Variants in PKP2 observed in about 807,000 individuals in gnomAD.
PKP2 encodes the protein plakophilin 2.
PKP2 carries 73 observed loss-of-function variants against 83.4 expected under a neutral mutation model. The observed-to-expected ratio is 0.88, with a 90% CI of 0.72 to 1.06. The LOEUF (loss-of-function observed/expected upper bound fraction) is 1.06. Among genes scored for constraint, PKP2 ranks in the 50% least tolerant of loss-of-function variants. The probability of loss-of-function intolerance (pLI) is 0.00; values close to 1 mark genes in which losing one functional copy is unlikely to be tolerated. For synonymous variants in PKP2, 409 were observed against 430.4 expected (o/e 0.95, Z 0.62); for missense variants, 966 against 1,065.4 (o/e 0.91, Z 1.30).
chr12:32,808,918 G>T (rs948166948), intron 9 of PKP2, among the ~76,000 whole-genome samples: 1 of 152,188 alleles, frequency 6.6e-6, no homozygotes. Context: ...CCATCCCAGG[G>T]TGGGTACTGA....
At chr12:32,808,444 T>C (rs556146213) in intron 9 of PKP2, among the ~76,000 whole-genome samples, 48 of 152,318 alleles carry the variant, frequency 3.2e-4, no homozygotes, top group Admixed American at 7.8e-4. Context: ...ATCATGATTC[T>C]TAGCTTCTTT....
chr12:32,887,977 T>C (rs1001151896), intron 1 of PKP2, among the ~76,000 whole-genome samples: 2 of 152,012 alleles, frequency 1.3e-5, no homozygotes, highest in African/African-American at 4.8e-5. Context: ...TCCAGGAATT[T>C]GAGACCAGCC....
At chr12:32,846,400 T>C (rs1185098668) in intron 5 of PKP2, among the ~76,000 whole-genome samples, 1 of 152,126 alleles carries the variant, frequency 6.6e-6, no homozygotes, top group Non-Finnish European at 1.5e-5. Flanking sequence ...CCTAGGCTAC[T>C]ACTGCAGAAG....
intron 11 of PKP2, among the ~76,000 whole-genome samples, 195 bp downstream of exon 11, chr12:32,795,914 C>T (rs574235048): frequency 3.3e-5 from 5 of 152,274 alleles, no homozygotes; most frequent in Admixed American, 6.5e-5. Flanking sequence ...AAGGGACAAG[C>T]ATGTGGTGTG....
At chr12:32,866,884 T>A (rs1261754740) in intron 4 of PKP2, among the ~76,000 whole-genome samples, 3 of 152,188 alleles carry the variant, frequency 2.0e-5, no homozygotes, top group Non-Finnish European at 4.4e-5. Flanking sequence ...CACGGTAGCT[T>A]TATTTGTAAT....
intron 4 of PKP2, among the ~76,000 whole-genome samples, chr12:32,864,991 C>T (rs549076049): frequency 3.3e-5 from 5 of 152,308 alleles, no homozygotes; most frequent in Non-Finnish European, 7.3e-5. Context: ...AAGAATGTTT[C>T]ACATCCCCAG....
chr12:32,859,964 G>A (rs1034810526), intron 4 of PKP2, among the ~76,000 whole-genome samples: 10 of 152,112 alleles, frequency 6.6e-5, no homozygotes, highest in African/African-American at 2.2e-4. Flanking sequence ...AGGACTTATT[G>A]GGGAGTTATT....
intron 5 of PKP2, among the ~76,000 whole-genome samples, chr12:32,848,534 G>C (rs1956668744): frequency 6.6e-6 from 1 of 152,052 alleles, no homozygotes; most frequent in African/African-American, 2.4e-5. Context: ...TACAGCTGGA[G>C]GTCATTATCC....
intron 1 of PKP2, chr12:32,893,950 G>A (rs921791446): frequency 5.1e-5 from 6 of 118,446 alleles, no homozygotes; most frequent in South Asian, 2.6e-4. Flanking sequence ...ATGGCGTTTC[G>A]CTCTTGTTGC....
At chr12:32,851,276 G>C (rs909474861) in intron 4 of PKP2, among the ~76,000 whole-genome samples, 1 of 152,130 alleles carries the variant, frequency 6.6e-6, no homozygotes, top group Non-Finnish European at 1.5e-5. Context: ...TAAAAGCTTG[G>C]AGCATAATAA....
At chr12:32,880,413 A>G (rs1173638757) in intron 1 of PKP2, among the ~76,000 whole-genome samples, 2 of 152,162 alleles carry the variant, frequency 1.3e-5, no homozygotes, top group Non-Finnish European at 1.5e-5. Flanking sequence ...AAAAACAAAA[A>G]CAAAAGCAAG....
At chr12:32,891,720 A>G (rs991108395) in intron 1 of PKP2, among the ~76,000 whole-genome samples, 4 of 152,156 alleles carry the variant, frequency 2.6e-5, no homozygotes, top group Admixed American at 2.0e-4. Flanking sequence ...TCTGTCACAT[A>G]TAGAACAATG....
chr12:32,835,156 C>T (rs1380312658), intron 6 of PKP2, among the ~76,000 whole-genome samples: 2 of 151,218 alleles, frequency 1.3e-5, no homozygotes, highest in East Asian at 1.9e-4. Context: ...CGGGTTCAAG[C>T]GATTCTCCTA....
At position 32,793,613 on chromosome 12, in the gene PKP2, C is replaced by CTTTTTTTTTTTTT. The variant is rs35990527; in HGVS notation, c.2358-895_2358-883dup. On this transcript the variant is annotated intron_variant, in intron 11 of 12. Coordinates refer to ENST00000340811, the MANE Select transcript of PKP2 (RefSeq NM_001005242.3). ...ACTGTACTTAGTCTTTCATATTCTGCTTTTTTTTTTTTTTTTTTTTTTTTG... is the reference window on the plus strand; with the variant it reads ...ACTGTACTTAGTCTTTCATATTCTGCTTTTTTTTTTTTTTTTTTTTTTTTTTTTTTTTTTTTTG... 3.6e-4 allele frequency among the ~76,000 whole-genome samples: 28 copies of CTTTTTTTTTTTTT among 76,728 alleles called. 4 individuals carry two copies. Among genetic ancestry groups the CTTTTTTTTTTTTT allele is most frequent in the African/African-American group, 1.1e-3 (19 of 17,392 alleles). 50.3% of individuals were successfully genotyped at this position (76,728 alleles called of 152,430 possible).
chr12:32,881,861 G>A (rs1956989326), intron 1 of PKP2, among the ~76,000 whole-genome samples: 1 of 152,118 alleles, frequency 6.6e-6, no homozygotes, highest in African/African-American at 2.4e-5. Flanking sequence ...CCTCTACTCT[G>A]CACTCCTTCT....
chr12:32,844,650 T>C (rs531489321), intron 5 of PKP2, among the ~76,000 whole-genome samples: 1 of 152,312 alleles, frequency 6.6e-6, no homozygotes, highest in Non-Finnish European at 1.5e-5. Context: ...GAACTACTTG[T>C]AAGACCCAGC....
At chr12:32,887,579 G>A (rs530155722) in intron 1 of PKP2, among the ~76,000 whole-genome samples, 6 of 152,234 alleles carry the variant, frequency 3.9e-5, no homozygotes, top group Admixed American at 3.3e-4. Context: ...TCAGCCTTCC[G>A]AGTAGCTGGA....
At chr12:32,820,309 T>C (rs1377275262) in intron 9 of PKP2, 3 of 152,152 alleles carry the variant, frequency 2.0e-5, no homozygotes, top group Non-Finnish European at 2.9e-5. Flanking sequence ...AATGAGCTAT[T>C]TGGGGGGAGT....
At chr12:32,824,501 A>T (rs1956414848) in intron 6 of PKP2, 1 of 340,378 alleles carries the variant, frequency 2.9e-6, no homozygotes, top group African/African-American at 2.1e-5. Context: ...ATGGCACATT[A>T]GACATTATAA....
Sources: allele counts gnomAD v4.1 joint callset (sites outside exome capture counted in the v4.1 genomes callset), GRCh38; gene constraint gnomAD v4.1.1; transcripts MANE v1.5; gene names NCBI Gene and HGNC (gene_info 2026-07-23, HGNC 2026-07-21).